BRAP: variants seen among roughly 807,000 people sequenced by gnomAD.
BRAP encodes the protein BRCA1 associated protein, also known as BRCA1-associated protein.
BRAP carries 42 observed loss-of-function variants against 73.4 expected under a neutral mutation model. The observed-to-expected ratio is 0.57, with a 90% confidence interval of 0.45 to 0.74. BRAP has a LOEUF of 0.74. Ranked by LOEUF, BRAP falls within the 30% of genes least tolerant of loss-of-function variation. The pLI is 0.00. For synonymous variants in BRAP, 255 were observed against 267.4 expected (o/e 0.95, Z 0.45); for missense variants, 593 against 751.4 (o/e 0.79, Z 2.46).
chr12:111,685,663 C>T, intron 1 of BRAP, 48 bp downstream of exon 1: 1 of 1,567,170 alleles, frequency 6.4e-7, no homozygotes. Context: ...GGAAGCCCTC[C>T]GGGCCCAGAC....
At chr12:111,661,654 C>G (rs1273251779) in intron 6 of BRAP, among the ~76,000 whole-genome samples, 1 of 151,960 alleles carries the variant, frequency 6.6e-6, no homozygotes, top group Admixed American at 6.6e-5. Context: ...CAAAAAGTAC[C>G]CTTTCTTCTC....
chr12:111,680,317 G>A lies in BRAP; in HGVS notation c.444-977C>T, dbSNP rs117119714. 2.0e-5 allele frequency among the ~76,000 whole-genome samples: 3 copies of A among 152,136 alleles called. No homozygotes were observed. In the East Asian group the frequency reaches 5.8e-4, roughly 29 times the overall value. ...ACAGGAAGTGTTACCAAGTTGAGAT[G>A]GCTGGAATAGAGAGGAAAGAAAATC... On this transcript the variant is annotated intron_variant, in intron 3 of 11. Coordinates refer to ENST00000419234, the MANE Select transcript of BRAP (RefSeq NM_006768.5).
At chr12:111,651,626 A>ATTTCT (rs1158479188) in intron 10 of BRAP, among the ~76,000 whole-genome samples, 3 of 145,832 alleles carry the variant, frequency 2.1e-5, no homozygotes, top group Admixed American at 6.9e-5. Flanking sequence ...TGGAAGAAAG[A>ATTTCT]TTTCTTTTCT....
intron 5 of BRAP, among the ~76,000 whole-genome samples, chr12:111,670,935 A>G (rs1887144770): frequency 6.6e-6 from 1 of 152,038 alleles, no homozygotes; most frequent in African/African-American, 2.4e-5. Flanking sequence ...CCCCATCTCT[A>G]CTAAAAATAC....
intron 1 of BRAP, among the ~76,000 whole-genome samples, chr12:111,683,745 T>G (rs1887691470): frequency 1.3e-5 from 2 of 152,146 alleles, no homozygotes; most frequent in Non-Finnish European, 2.9e-5. Flanking sequence ...TTCACCATGT[T>G]GGACAGGCTG....
At chr12:111,662,754 A>T (rs1479617186) in intron 6 of BRAP, among the ~76,000 whole-genome samples, 6 of 152,160 alleles carry the variant, frequency 3.9e-5, no homozygotes, top group African/African-American at 1.4e-4. Flanking sequence ...GGTAGCCAGA[A>T]AGCAGAATGC....
At chr12:111,658,633 C>A in intron 9 of BRAP, 103 bp downstream of exon 9, 1 of 999,498 alleles carries the variant, frequency 1.0e-6, no homozygotes, top group Non-Finnish European at 1.4e-6. Context: ...CATGACCAAA[C>A]TTTAAAAAAA....
Position 111,654,658 on chromosome 12 carries a change from G to A in BRAP, c.1311+908C>T, listed in dbSNP as rs184354242. ...ATTAATTTTTACAGACCTTGATTTT[G>A]CCCACTTACGGCATATCCAGAAACT... On this transcript the variant is annotated intron_variant, in intron 10 of 11. Transcript: ENST00000419234. Among the ~76,000 whole-genome samples the A allele has an allele frequency of 1.4e-3, 212 of 152,252 alleles. 1 individual carries two copies. Among genetic ancestry groups the A allele is most frequent in the Non-Finnish European group, 2.5e-3 (172 of 68,020 alleles).
Position 111,659,236 on chromosome 12 carries a change from G to A in BRAP, c.1082C>T (p.Thr361Ile). 6.2e-7 allele frequency: 1 copy of A among 1,614,100 alleles called. No individual in the cohort carries two copies. Among genetic ancestry groups the A allele is most frequent in the Non-Finnish European group, 8.5e-7 (1 of 1,180,006 alleles). ...AGCATAGTCCCAGACTCGATGGTTG[G>A]TAAGCTGCATGGCATACGTGTGCTG... ...ETQHTYAMQL[T>I]NHRVWDYAGD... The change falls in exon 8 of 12, where the codon ACC becomes ATC. Residue 361 changes from threonine to isoleucine, a missense_variant. Around this residue, in one of 4 missense-constraint regions of BRAP, gnomAD observed 67 missense variants for 158.0 expected, o/e 0.42. Transcript: ENST00000419234.
chr12:111,684,921 G>A (rs888298129), intron 1 of BRAP, among the ~76,000 whole-genome samples: 1 of 152,092 alleles, frequency 6.6e-6, no homozygotes. Context: ...CGCCCGCCTC[G>A]GCCTCCCAAA....
rs1299904696 is a variant in BRAP at position 111,679,342 on chromosome 12, T to C, written c.444-2A>G. The stretch of plus-strand genomic sequence containing the variant: ...TCTTCTTTTAAGGAGGTCATCTTAC[T>C]AACAAAAAAAAAATTAGAGTGTCTT... On this transcript the variant is annotated splice_acceptor_variant, in intron 3 of 11. Coordinates refer to ENST00000419234, the MANE Select transcript of BRAP (RefSeq NM_006768.5). LOFTEE classifies it high-confidence loss of function. 1 of 1,506,820 alleles carries C rather than the reference T, an allele frequency of 6.6e-7. No individual in the cohort carries two copies. The highest frequency in any genetic ancestry group is 8.9e-7 in the Non-Finnish European group (1 of 1,122,516). 93.3% of individuals were successfully genotyped at this position (1,506,820 alleles called of 1,614,324 possible). A position where few individuals can be genotyped will look rare whatever the true frequency, so the allele number is the denominator to read the frequency against.
intron 10 of BRAP, among the ~76,000 whole-genome samples, chr12:111,654,763 G>A (rs1417603657): frequency 6.6e-6 from 1 of 152,192 alleles, no homozygotes; most frequent in East Asian, 1.9e-4. Flanking sequence ...GCTCTGTACT[G>A]CCTATCTGAA....
At chr12:111,655,795 C>T in intron 9 of BRAP, 140 bp from the exon 10 acceptor site, 1 of 673,264 alleles carries the variant, frequency 1.5e-6, no homozygotes, top group East Asian at 2.7e-5. Flanking sequence ...TGGTTCTACT[C>T]TACTCAATAT....
chr12:111,658,235 AT>A (rs1886604996), intron 9 of BRAP, among the ~76,000 whole-genome samples: 1 of 150,650 alleles, frequency 6.6e-6, no homozygotes, highest in Non-Finnish European at 1.5e-5. Flanking sequence ...CCCAGCTGAC[AT>A]TTAGACTTTC....
chr12:111,669,260 G>C (rs938763212), intron 5 of BRAP, among the ~76,000 whole-genome samples: 2 of 148,362 alleles, frequency 1.3e-5, no homozygotes, highest in Admixed American at 1.4e-4. Context: ...ACGGAGTTTC[G>C]CTCTTGTTGC....
chr12:111,665,952 C>T lies in BRAP; in HGVS notation c.748-165G>A, dbSNP rs925865414. Among the ~76,000 whole-genome samples, 2 of 152,234 alleles carry T rather than the reference C, an allele frequency of 1.3e-5. No homozygotes were observed. The highest frequency in any genetic ancestry group is 2.9e-5 in the Non-Finnish European group (2 of 68,038). ...TGACCTCCCAGGCTCAAGAGATCTG[C>T]CCACCTCAGGCTCCCCAGTAGCTGG... is the stretch of plus-strand genomic sequence containing the variant. On this transcript the variant is annotated intron_variant, in intron 5 of 11. Transcript: ENST00000419234. This position sits in a 1 kb window ranked among gnomAD's most constrained non-coding sequence, Gnocchi z 4.3.
intron 6 of BRAP, among the ~76,000 whole-genome samples, chr12:111,662,663 AGAAAG>A: frequency 6.6e-6 from 1 of 152,314 alleles, no homozygotes; most frequent in South Asian, 2.1e-4. Context: ...TCTGTGTAAG[AGAAAG>A]GAAAGGATCT....
At chr12:111,679,782 CA>C (rs1887527831) in intron 3 of BRAP, among the ~76,000 whole-genome samples, 2 of 145,610 alleles carry the variant, frequency 1.4e-5, no homozygotes, top group Admixed American at 1.4e-4. Context: ...GAGGCTGAGG[CA>C]GGAGAATGGT....
intron 11 of BRAP, among the ~76,000 whole-genome samples, chr12:111,646,543 G>A (rs1886118946): frequency 6.6e-6 from 1 of 152,162 alleles, no homozygotes; most frequent in Non-Finnish European, 1.5e-5. Context: ...GGGAGGCCGA[G>A]GAGGGTGGAT....
Sources: allele counts gnomAD v4.1 joint callset (sites outside exome capture counted in the v4.1 genomes callset), GRCh38; gene constraint gnomAD v4.1.1; regional missense constraint gnomAD v4.1.1; non-coding constraint Gnocchi (gnomAD v3.1); transcripts MANE v1.5; gene names NCBI Gene and HGNC (gene_info 2026-07-23, HGNC 2026-07-21).